EGFR: variants seen among roughly 807,000 people sequenced by gnomAD.
EGFR encodes avian erythroblastic leukemia viral (v-erb-b) oncogene homolog.
Under a neutral mutation model 143.0 loss-of-function variants are expected in EGFR, and 58 were observed. The observed-to-expected ratio is 0.41, with a 90% CI of 0.33 to 0.50. EGFR has a LOEUF of 0.50. Among genes scored for constraint, EGFR ranks in the 20% least tolerant of loss-of-function variants. EGFR has a pLI of 0.39. For synonymous variants in EGFR, 613 were observed against 594.4 expected (o/e 1.03, Z -0.45); for missense variants, 1,307 against 1,579.0 (o/e 0.83, Z 2.92).
intron 19 of EGFR, 167 bp from the exon 20 acceptor site, chr7:55,181,126 C>G: frequency 8.3e-6 from 7 of 840,926 alleles, no homozygotes; most frequent in African/African-American, 1.7e-5. Context: ...CACAGCCCTG[C>G]GTAAACGTCC....
At chr7:55,204,861 C>A (rs1562810070) in intron 27 of EGFR, among the ~76,000 whole-genome samples, 1 of 150,308 alleles carries the variant, frequency 6.7e-6, no homozygotes, top group South Asian at 2.1e-4. Context: ...CATGCACACA[C>A]CACACACACA....
intron 1 of EGFR, chr7:55,109,699 C>G: frequency 1.0e-6 from 1 of 983,014 alleles, no homozygotes; most frequent in Non-Finnish European, 1.2e-6. Flanking sequence ...TAGGTATAAA[C>G]TTTTGACTCA....
chr7:55,169,247 C>T (rs2128949911), intron 15 of EGFR, among the ~76,000 whole-genome samples: 1 of 152,170 alleles, frequency 6.6e-6, no homozygotes, highest in South Asian at 2.1e-4. Context: ...ATTACAGACA[C>T]CTGCCACCAC....
At chr7:55,091,090 T>A (rs761726589) in intron 1 of EGFR, among the ~76,000 whole-genome samples, 1 of 152,212 alleles carries the variant, frequency 6.6e-6, no homozygotes, top group Non-Finnish European at 1.5e-5. Flanking sequence ...GATCGCTGAG[T>A]TGGCAAGTGA....
rs762946118 is a variant in EGFR, at chr7:55,205,392, C to T, written c.3408C>T (p.Pro1136=). ...CCCACAGCACTGCAGTGGGCAACCCCGAGTATCTCAACACTGTCCAGCCCA... is the reference window on the plus strand; with the variant it reads ...CCCACAGCACTGCAGTGGGCAACCCTGAGTATCTCAACACTGTCCAGCCCA... ...QDPHSTAVGN[P]EYLNTVQPTC... The change falls in exon 28 of 28, where the codon CCC becomes CCT. Residue 1136 remains proline (P), a synonymous_variant. Transcript: ENST00000275493. The T allele has an allele frequency of 2.1e-5, 34 of 1,614,026 alleles. No individual in the cohort carries two copies. Among genetic ancestry groups the T allele is most frequent in the Middle Eastern group, 3.3e-4 (2 of 6,084 alleles).
intron 1 of EGFR, among the ~76,000 whole-genome samples, chr7:55,070,708 G>C (rs541399127): frequency 2.6e-5 from 4 of 152,328 alleles, no homozygotes; most frequent in Admixed American, 2.6e-4. Context: ...AGCCAGGGCT[G>C]ATTGTAGAAG....
At chr7:55,030,782 A>G (rs576382879) in intron 1 of EGFR, among the ~76,000 whole-genome samples, 4 of 152,372 alleles carry the variant, frequency 2.6e-5, no homozygotes, top group Non-Finnish European at 4.4e-5. Context: ...TTCATTTTCC[A>G]TATCATACCA....
intron 1 of EGFR, among the ~76,000 whole-genome samples, chr7:55,075,106 G>A (rs1471728029): frequency 6.6e-6 from 1 of 152,048 alleles, no homozygotes; most frequent in Non-Finnish European, 1.5e-5. Context: ...CAGACCATCA[G>A]TGGGCAGCCA....
chr7:55,100,670 C>T (rs1301243998), intron 1 of EGFR, among the ~76,000 whole-genome samples: 2 of 152,210 alleles, frequency 1.3e-5, no homozygotes, highest in Non-Finnish European at 2.9e-5. Flanking sequence ...GCCAAGGCCT[C>T]ATTGTCATCT....
chr7:55,159,586 TTCCATGTTGCCCACAC>T (rs2128940951), intron 11 of EGFR, among the ~76,000 whole-genome samples: 1 of 152,308 alleles, frequency 6.6e-6, no homozygotes, highest in East Asian at 1.9e-4. Context: ...TGCTCTTTGC[TTCCATGTTGCCCACAC>T]TCACTGTGCT....
intron 1 of EGFR, among the ~76,000 whole-genome samples, chr7:55,042,332 G>T (rs1028149990): frequency 1.3e-5 from 2 of 152,220 alleles, no homozygotes; most frequent in African/African-American, 4.8e-5. Context: ...ACAAGAGGTA[G>T]AAGTTACATC....
intron 4 of EGFR, among the ~76,000 whole-genome samples, chr7:55,150,307 C>G (rs1017925770): frequency 2.0e-5 from 3 of 152,228 alleles, no homozygotes; most frequent in African/African-American, 4.8e-5. Context: ...GTTGCAGTCT[C>G]TCTGCCTACC....
chr7:55,025,311 G>A (rs1287228646), intron 1 of EGFR, among the ~76,000 whole-genome samples: 1 of 152,190 alleles, frequency 6.6e-6, no homozygotes, highest in Non-Finnish European at 1.5e-5. Flanking sequence ...GGAAGATTCA[G>A]GACAGGGGAC....
At chr7:55,121,153 C>T (rs927747917) in intron 1 of EGFR, among the ~76,000 whole-genome samples, 1 of 152,200 alleles carries the variant, frequency 6.6e-6, no homozygotes, top group African/African-American at 2.4e-5. Context: ...ACAAGAGCTC[C>T]TCACACTGTC....
chr7:55,076,642 A>G (rs1157679055), intron 1 of EGFR, among the ~76,000 whole-genome samples: 5 of 152,160 alleles, frequency 3.3e-5, no homozygotes, highest in African/African-American at 1.2e-4. Context: ...GTGATTTTCA[A>G]TGCTCATTGC....
chr7:55,133,240 T>C (rs1306241317), intron 1 of EGFR, among the ~76,000 whole-genome samples: 1 of 152,080 alleles, frequency 6.6e-6, no homozygotes, highest in Non-Finnish European at 1.5e-5. Flanking sequence ...AGAGAAGAGT[T>C]GCACCCTGGC....
rs750429883 is a variant in EGFR, at chr7:55,086,589, G to A, written c.89-55697G>A. ...CGTTAATTTCATGCCCTGCCCAGGC[G>A]GGCTACTGTGCTGCCCAGTCACCCG... On this transcript the variant is annotated intron_variant, in intron 1 of 27. Coordinates refer to ENST00000275493, the MANE Select transcript of EGFR (RefSeq NM_005228.5). Among the ~76,000 whole-genome samples the A allele has an allele frequency of 2.6e-5, 4 of 152,212 alleles. 1 individual carries two copies. The South Asian group carries it at 6.2e-4, about 24-fold the overall frequency.
intron 1 of EGFR, among the ~76,000 whole-genome samples, chr7:55,121,922 G>A (rs1206465175): frequency 1.3e-5 from 2 of 152,202 alleles, no homozygotes; most frequent in African/African-American, 4.8e-5. Flanking sequence ...GTTCCCTGCT[G>A]CCCAGTTCAG....
rs2128975811 is a variant in EGFR at position 55,205,683 on chromosome 7, G to C, written c.*66G>C. ...CGATACCCAGGACCAAGCCACAGCA[G>C]GTCCTCCATCCCAACAGCCATGCCC... On this transcript the variant is annotated 3_prime_UTR_variant, in exon 28 of 28. Coordinates refer to ENST00000275493, the MANE Select transcript of EGFR (RefSeq NM_005228.5). 1.2e-6 allele frequency: 2 copies of C among 1,612,828 alleles called. No individual in the cohort carries two copies. The highest frequency in any genetic ancestry group is 4.5e-5 in the East Asian group (2 of 44,884).
Sources: allele counts gnomAD v4.1 joint callset (sites outside exome capture counted in the v4.1 genomes callset), GRCh38; gene constraint gnomAD v4.1.1; transcripts MANE v1.5; gene names NCBI Gene and HGNC (gene_info 2026-07-23, HGNC 2026-07-21).